Variants in F5 observed in about 807,000 individuals in gnomAD.
The protein encoded by F5 is coagulation factor V.
F5 carries 138 observed loss-of-function variants against 216.4 expected under a neutral mutation model. That is an observed-to-expected ratio of 0.64 (90% CI 0.56 to 0.73). The LOEUF is 0.73. F5 is among the 30% of genes least tolerant of loss of function. The probability of loss-of-function intolerance (pLI) is 0.00; values close to 1 mark genes in which losing one functional copy is unlikely to be tolerated. For synonymous variants in F5, 916 were observed against 930.7 expected, an observed-to-expected ratio of 0.98 and a Z score of 0.29; for missense variants, 2,403 against 2,674.0, an observed-to-expected ratio of 0.90 and a Z score of 2.24.
chr1:169,514,409 G>C lies in F5; in HGVS notation c.6579C>G (p.Asn2193Lys), dbSNP rs745340966. ...GGATAAACCTGGAAATGATTGGGGGGTTGAAAAAGTTCTTCACATGTCCTT... is the reference window on the plus strand; with the variant it reads ...GGATAAACCTGGAAATGATTGGGGGCTTGAAAAAGTTCTTCACATGTCCTT... ...NTKGHVKNFF[N>K]PPIISRFIRV... The change falls in exon 25 of 25, where the codon AAC becomes AAG. Residue 2193 changes from asparagine to lysine, a missense_variant. By Grantham distance (94) the Asn-to-Lys change is moderately conservative. Coordinates refer to ENST00000367797, the MANE Select transcript of F5 (RefSeq NM_000130.5). 1 of 1,613,090 alleles carries C rather than the reference G, an allele frequency of 6.2e-7. No individual in the cohort carries two copies. Among genetic ancestry groups the C allele is most frequent in the Non-Finnish European group, 8.5e-7 (1 of 1,179,494 alleles).
chr1:169,542,852 C>T lies in F5; in HGVS notation c.2238G>A (p.Gln746=). 1.2e-6 allele frequency: 2 copies of T among 1,614,084 alleles called. No homozygotes were observed. Among genetic ancestry groups the T allele is most frequent in the Non-Finnish European group, 1.7e-6 (2 of 1,179,990 alleles). The change falls in exon 13 of 25, where the codon CAG becomes CAA. Residue 746 remains glutamine (Q), a synonymous_variant. Transcript: ENST00000367797. ...IRSFRNSSLN[Q]EEEEFNLTAL... is the part of the protein sequence containing the mutation. ...CAGTAAGATTGAACTCTTCTTCTTC[C>T]TGATTCAATGATGAGTTTCGGAATG...
At chr1:169,553,352 A>G (rs1660219754) in intron 7 of F5, among the ~76,000 whole-genome samples, 1 of 152,172 alleles carries the variant, frequency 6.6e-6, no homozygotes, top group Admixed American at 6.5e-5. Flanking sequence ...AAGCAACTAC[A>G]TGCGGCCAAA....
At chr1:169,566,213 A>G (rs937282639) in intron 3 of F5, among the ~76,000 whole-genome samples, 1 of 152,078 alleles carries the variant, frequency 6.6e-6, no homozygotes, top group Non-Finnish European at 1.5e-5. Context: ...ACATGGCCTC[A>G]TAAAGTTGAA....
chr1:169,528,362 AG>A (rs1349486482), intron 16 of F5, among the ~76,000 whole-genome samples: 2 of 152,200 alleles, frequency 1.3e-5, no homozygotes, highest in Non-Finnish European at 2.9e-5. Context: ...TCTTTTCCTC[AG>A]CTTTTACAGT....
chr1:169,521,811 G>T (rs1393457270), intron 21 of F5, among the ~76,000 whole-genome samples: 1 of 151,506 alleles, frequency 6.6e-6, no homozygotes, highest in African/African-American at 2.4e-5. Flanking sequence ...AGTAGAGAGG[G>T]GGTTTCACCA....
At chr1:169,560,840 G>T in intron 3 of F5, 74 bp from the exon 4 acceptor site, 1 of 1,331,356 alleles carries the variant, frequency 7.5e-7, no homozygotes, top group Admixed American at 1.7e-5. Context: ...CAAATCTGGG[G>T]ATAGCTAAGA....
intron 22 of F5, 144 bp downstream of exon 22, chr1:169,520,376 C>T: frequency 1.0e-6 from 1 of 982,390 alleles, no homozygotes; most frequent in Admixed American, 1.9e-5. Context: ...TGAGAGTTTA[C>T]CTGAGTAGAA....
At chr1:169,561,123 G>C (rs1894700) in intron 3 of F5, among the ~76,000 whole-genome samples, 36,746 of 152,076 alleles carry the variant, frequency 0.24, 5,343 homozygotes, top group South Asian at 0.36. Flanking sequence ...TCTTTGTGGT[G>C]TTTAATAAGA....
chr1:169,560,874 T>C (rs1273937850), intron 3 of F5, 108 bp from the exon 4 acceptor site: 44 of 896,964 alleles, frequency 4.9e-5, no homozygotes, highest in Non-Finnish European at 7.7e-5. Context: ...GATGCATATG[T>C]CCTTCAATAG....
At chr1:169,555,567 A>C (rs946573247) in intron 6 of F5, among the ~76,000 whole-genome samples, 1 of 142,144 alleles carries the variant, frequency 7.0e-6, no homozygotes, top group Non-Finnish European at 1.5e-5. Flanking sequence ...GGGTTAGGGA[A>C]AAAATTTGGA....
chr1:169,559,115 T>A (rs1430416855), intron 5 of F5, 38 bp downstream of exon 5: 2 of 1,612,516 alleles, frequency 1.2e-6, no homozygotes, highest in Non-Finnish European at 1.7e-6. Context: ...TTACTAATGA[T>A]TTTACTGTTG....
At chr1:169,567,791 G>A (rs1482783025) in intron 3 of F5, among the ~76,000 whole-genome samples, 7 of 152,060 alleles carry the variant, frequency 4.6e-5, no homozygotes. Flanking sequence ...GGCCCCTGAG[G>A]GGCTCTGCCT....
intron 1 of F5, 106 bp downstream of exon 1, chr1:169,586,123 T>C (rs1411206058): frequency 1.5e-6 from 2 of 1,314,998 alleles, no homozygotes; most frequent in Non-Finnish European, 1.1e-6. Context: ...TTTACTTACC[T>C]GAAGTTAAAA....
intron 4 of F5, among the ~76,000 whole-genome samples, chr1:169,560,308 C>T (rs1166083126): frequency 6.6e-6 from 1 of 152,082 alleles, no homozygotes; most frequent in East Asian, 1.9e-4. Flanking sequence ...TACTCTCAAA[C>T]AGGAATTTGC....
rs1659540840 is a variant in F5 at position 169,529,594 on chromosome 1, T to TC, written c.5419+13dup. On this transcript the variant is annotated intron_variant, in intron 16 of 24. Coordinates refer to ENST00000367797, the MANE Select transcript of F5 (RefSeq NM_000130.5). ...ATTTAATTAGGAGATTAGATCAAAG[T>TC]CTGAGGAAAATACCGTGAAACTCAT... 8 of 1,609,872 alleles carry TC rather than the reference T, an allele frequency of 5.0e-6. No homozygotes were observed. Among genetic ancestry groups the TC allele is most frequent in the African/African-American group, 1.3e-5 (1 of 74,790 alleles).
intron 17 of F5, among the ~76,000 whole-genome samples, chr1:169,526,263 TAA>T (rs1659447368): frequency 6.6e-6 from 1 of 152,186 alleles, no homozygotes; most frequent in Non-Finnish European, 1.5e-5. Flanking sequence ...TTCACTTATC[TAA>T]ATATAATGTT....
At chr1:169,572,031 CA>C (rs959120020) in intron 3 of F5, among the ~76,000 whole-genome samples, 189 bp downstream of exon 3, 1 of 152,120 alleles carries the variant, frequency 6.6e-6, no homozygotes, top group African/African-American at 2.4e-5. Context: ...GTGAAAAATG[CA>C]GGTCTAGAGG....
chr1:169,538,734 G>T (rs956960883), intron 13 of F5, among the ~76,000 whole-genome samples: 2 of 152,118 alleles, frequency 1.3e-5, no homozygotes, highest in African/African-American at 4.8e-5. Flanking sequence ...TTCTTGAAAT[G>T]ACAAAATTAT....
chr1:169,515,676 C>T, intron 23 of F5, 50 bp from the exon 24 acceptor site: 1 of 1,574,304 alleles, frequency 6.4e-7, no homozygotes, highest in Non-Finnish European at 8.7e-7. Context: ...AAAACCTTTG[C>T]TTTTTTTTTA....
Sources: gnomAD v4.1 joint callset for allele counts (sites outside exome capture counted in the v4.1 genomes callset) on GRCh38, gnomAD v4.1.1 for gene constraint, MANE v1.5 for transcripts, NCBI Gene and HGNC (gene_info 2026-07-23, HGNC 2026-07-21) for gene names.